Variants in SIMC1 observed in about 807,000 individuals in gnomAD.
SIMC1 encodes SUMO-interacting motif-containing protein 1.
In SIMC1, 55 loss-of-function variants were observed where a neutral mutation model predicts 82.3. The ratio of observed to expected loss-of-function variants is 0.67; its 90% CI spans 0.54 to 0.84. The LOEUF (loss-of-function observed/expected upper bound fraction) is 0.84, where lower values mean the gene tolerates loss of function less well. Ranked by LOEUF, SIMC1 falls within the 40% of genes least tolerant of loss-of-function variation. SIMC1 has a pLI of 0.00. For missense variants in SIMC1, 915 were observed against 1,107.2 expected (o/e 0.83, Z 2.46); for synonymous variants, 353 against 426.3 (o/e 0.83, Z 2.12).
Position 176,289,953 on chromosome 5 carries a change from C to T in SIMC1, c.429C>T (p.Pro143=), listed in dbSNP as rs1763467622. ...DLVEENTFVG[P]PPATSISGGS... ...TGGAAGAAAACACCTTTGTAGGTCC[C>T]CCACCCGCTACATCCATCAGTGGAG... is the stretch of plus-strand genomic sequence containing the variant. Residue 143 remains proline (P), a synonymous_variant, in exon 2 of 10, where the codon CCC becomes CCT. Transcript: ENST00000429602. 1 of 1,613,836 alleles carries T rather than the reference C, an allele frequency of 6.2e-7. No individual in the cohort carries two copies. The highest frequency in any genetic ancestry group is 8.5e-7 in the Non-Finnish European group (1 of 1,179,846).
At chr5:176,277,671 A>G (rs1762776801) in intron 1 of SIMC1, among the ~76,000 whole-genome samples, 1 of 152,056 alleles carries the variant, frequency 6.6e-6, no homozygotes, top group Non-Finnish European at 1.5e-5. Context: ...ACATATGGCT[A>G]GCCGGTTTTC....
intron 1 of SIMC1, among the ~76,000 whole-genome samples, chr5:176,282,440 G>C (rs976321127): frequency 6.6e-6 from 1 of 152,228 alleles, no homozygotes; most frequent in Non-Finnish European, 1.5e-5. Flanking sequence ...TGCACCCACT[G>C]ACCTGCGCCC....
At chr5:176,334,812 G>T (rs747010463) in intron 7 of SIMC1, among the ~76,000 whole-genome samples, 3 of 152,150 alleles carry the variant, frequency 2.0e-5, no homozygotes, top group Non-Finnish European at 4.4e-5. Context: ...TCACAGTCCT[G>T]CAGGGCACAG....
intron 9 of SIMC1, among the ~76,000 whole-genome samples, chr5:176,338,101 A>G (rs1765983175): frequency 6.6e-6 from 1 of 152,212 alleles, no homozygotes; most frequent in African/African-American, 2.4e-5. Context: ...ATGCATCATC[A>G]TGTATGTAAT....
At chr5:176,295,677 C>T (rs533756840) in intron 3 of SIMC1, among the ~76,000 whole-genome samples, 3 of 142,688 alleles carry the variant, frequency 2.1e-5, no homozygotes, top group Non-Finnish European at 4.5e-5. Flanking sequence ...TGTTTGGGGC[C>T]GCATGTGGTA....
chr5:176,309,123 C>G, intron 4 of SIMC1: 1 of 640,062 alleles, frequency 1.6e-6, no homozygotes, highest in South Asian at 1.9e-5. Context: ...GACTTCAAGA[C>G]TTACTATAAA....
intron 4 of SIMC1, among the ~76,000 whole-genome samples, chr5:176,305,136 AG>A (rs571678400): frequency 0.14 from 4,567 of 32,628 alleles, 738 homozygotes; most frequent in Admixed American, 0.2. Context: ...GCCATCCAGG[AG>A]GGGGGGGGGG....
intron 1 of SIMC1, among the ~76,000 whole-genome samples, chr5:176,287,556 C>G (rs1404244757): frequency 2.0e-5 from 3 of 151,976 alleles, no homozygotes; most frequent in African/African-American, 7.3e-5. Flanking sequence ...TTGCAGCACA[C>G]CAACATCGCA....
In SIMC1 at chr5:176,249,896, G is replaced by A. The variant is rs1341250660; in HGVS notation, c.129+11259G>A. ...CCTGAATTCATTGATTTTTTGAAGG[G>A]TTTTTCATGTCTCTTATCTCCTTCA... is the stretch of plus-strand genomic sequence containing the variant. On this transcript the variant is annotated intron_variant, in intron 1 of 9. Transcript: ENST00000429602. 7.4e-5 allele frequency among the ~76,000 whole-genome samples: 11 copies of A among 149,234 alleles called. No individual in the cohort carries two copies. The East Asian group carries it at 1.6e-3, about 21-fold the overall frequency.
At chr5:176,253,795 C>CAAGT (rs1761767400) in intron 1 of SIMC1, among the ~76,000 whole-genome samples, 1 of 152,102 alleles carries the variant, frequency 6.6e-6, no homozygotes, top group Non-Finnish European at 1.5e-5. Flanking sequence ...AGAATTTTAA[C>CAAGT]AAGTAATAGC....
rs187150284 is a variant in SIMC1 at position 176,332,451 on chromosome 5, C to T, written c.2172-4269C>T. 4.5e-4 allele frequency among the ~76,000 whole-genome samples: 68 copies of T among 152,144 alleles called. No individual in the cohort carries two copies. The East Asian group carries it at 0.012, about 26-fold the overall frequency. On this transcript the variant is annotated intron_variant, in intron 7 of 9. Transcript: ENST00000429602. Reference sequence around the variant, plus strand: ...GATTACAGGCATGCGCCACCAGACCCGGCTAACTTTGCATTTTTAGTAGAG... The same window carrying T: ...GATTACAGGCATGCGCCACCAGACCTGGCTAACTTTGCATTTTTAGTAGAG...
At chr5:176,261,681 G>A (rs1471907815) in intron 1 of SIMC1, among the ~76,000 whole-genome samples, 1 of 151,752 alleles carries the variant, frequency 6.6e-6, no homozygotes, top group Non-Finnish European at 1.5e-5. Flanking sequence ...CCAGGAGGTG[G>A]AAGTTGCATT....
rs569755986 is a variant in SIMC1 at position 176,270,003 on chromosome 5, C to T, written c.130-19651C>T. On this transcript the variant is annotated intron_variant, in intron 1 of 9. Transcript: ENST00000429602. ...AACTCCTGAGCTCAAGAGATCCTCC[C>T]GCCTAGGCCTCCCAAAGTGCTGGGA... Among the ~76,000 whole-genome samples the T allele has an allele frequency of 5.3e-5, 8 of 151,772 alleles. No homozygotes were observed. The South Asian group carries it at 6.3e-4, about 12-fold the overall frequency.
At chr5:176,296,366 C>G in intron 4 of SIMC1, 46 bp downstream of exon 4, 1 of 1,612,640 alleles carries the variant, frequency 6.2e-7, no homozygotes, top group Non-Finnish European at 8.5e-7. Context: ...GAAGTTTTAA[C>G]TATAAAGAAA....
intron 1 of SIMC1, among the ~76,000 whole-genome samples, chr5:176,260,326 C>A (rs1470403215): frequency 2.0e-5 from 3 of 151,834 alleles, no homozygotes; most frequent in Non-Finnish European, 4.4e-5. Flanking sequence ...GAGAAGGGGG[C>A]GAGGGATGAA....
intron 6 of SIMC1, 77 bp from the exon 7 acceptor site, chr5:176,324,552 T>A: frequency 6.7e-7 from 1 of 1,491,026 alleles, no homozygotes; most frequent in Non-Finnish European, 9.1e-7. Context: ...TGTACACTGG[T>A]GGGGACCTCC....
chr5:176,309,762 C>T (rs68074412), intron 4 of SIMC1, among the ~76,000 whole-genome samples: 21,388 of 152,066 alleles, frequency 0.14, 1,523 homozygotes, highest in Middle Eastern at 0.21. Flanking sequence ...TAGTGAGACT[C>T]TGTCTCTACA....
intron 4 of SIMC1, among the ~76,000 whole-genome samples, chr5:176,305,071 A>C (rs1764245733): frequency 7.2e-6 from 1 of 139,680 alleles, no homozygotes; most frequent in African/African-American, 2.6e-5. Flanking sequence ...TCCGCCCGGC[A>C]GCCACCCCGT....
intron 7 of SIMC1, among the ~76,000 whole-genome samples, chr5:176,330,650 G>A (rs1765608140): frequency 6.6e-6 from 1 of 152,118 alleles, no homozygotes; most frequent in South Asian, 2.1e-4. Context: ...AATAAAATAG[G>A]AATCTGTGAT....
Sources: gnomAD v4.1 joint callset for allele counts (sites outside exome capture counted in the v4.1 genomes callset) on GRCh38, gnomAD v4.1.1 for gene constraint, MANE v1.5 for transcripts, NCBI Gene and HGNC (gene_info 2026-07-23, HGNC 2026-07-21) for gene names.